MYH3: variants seen among roughly 807,000 people sequenced by gnomAD.
MYH3 encodes myosin heavy chain 3.
Under a neutral mutation model 238.0 loss-of-function variants are expected in MYH3, and 130 were observed. The ratio of observed to expected loss-of-function variants is 0.55; its 90% CI spans 0.47 to 0.63. The LOEUF (loss-of-function observed/expected upper bound fraction) is 0.63, where lower values mean the gene tolerates loss of function less well. Among genes scored for constraint, MYH3 ranks in the 30% least tolerant of loss-of-function variants. The pLI is 0.00. For missense variants in MYH3, 1,853 were observed against 2,374.9 expected, an observed-to-expected ratio of 0.78 and a Z score of 4.57; for synonymous variants, 880 against 924.1, an observed-to-expected ratio of 0.95 and a Z score of 0.86.
chr17:10,660,861 T>C (rs1275847091), upstream of MYH3, among the ~76,000 whole-genome samples: 1 of 151,868 alleles, frequency 6.6e-6, no homozygotes, highest in Non-Finnish European at 1.5e-5. Flanking sequence ...GGTGGGTGCC[T>C]GTAATCCCAG....
the MYH3 span, among the ~76,000 whole-genome samples, chr17:10,664,566 G>A: frequency 6.6e-6 from 1 of 152,202 alleles, no homozygotes; most frequent in Admixed American, 6.5e-5. Flanking sequence ...GAGTGAAAGG[G>A]AGAGCTGGTG....
In MYH3 at chr17:10,652,450, C is replaced by T; in HGVS notation, c.318G>A (p.Leu106=). ...TCATCCAAGATGTGTAACGGTCCTT[C>T]AGGTTGTACAGCACGGCTGGCTCAT... ...HLNEPAVLYN[L]KDRYTSWMIY... is the part of the protein sequence containing the mutation. Residue 106 remains leucine, a synonymous_variant, in exon 4 of 41, where the codon CTG becomes CTA. Coordinates refer to ENST00000583535, the MANE Select transcript of MYH3 (RefSeq NM_002470.4). 1 of 1,614,028 alleles carries T rather than the reference C, an allele frequency of 6.2e-7. No homozygotes were observed. The highest frequency in any genetic ancestry group is 1.7e-5 in the Admixed American group (1 of 60,012).
Position 10,629,677 on chromosome 17 carries a change from C to T in MYH3, c.5716G>A (p.Glu1906Lys), listed in dbSNP as rs1300427720. The change falls in exon 40 of 41, where the codon GAG (glutamate) becomes AAG (lysine). Residue 1906 changes from glutamate to lysine, a missense_variant. Glu to Lys is a moderately conservative substitution (Grantham distance 56). Coordinates refer to ENST00000583535, the MANE Select transcript of MYH3 (RefSeq NM_002470.4). ...KFRKAQHELE[E>K]AEERADIAES... Reference sequence around the variant, plus strand: ...GCGATATCCGCACGTTCCTCGGCCTCCTCCAGCTCATGCTGAGCCTTTCGG... The same window carrying T: ...GCGATATCCGCACGTTCCTCGGCCTTCTCCAGCTCATGCTGAGCCTTTCGG... The T allele has an allele frequency of 2.9e-5, 47 of 1,614,136 alleles. No individual in the cohort carries two copies. Among genetic ancestry groups the T allele is most frequent in the Non-Finnish European group, 3.7e-5 (44 of 1,180,064 alleles).
rs762762286 is a variant in MYH3 at position 10,645,720 on chromosome 17, C to T, written c.1128G>A (p.Pro376=). The part of the protein sequence containing the change: ...KQKQREEQAE[P]DGTEVADKTA... ...CTGATTTTGTACCTTCTGTGCCATC[C>T]GGCTCGGCCTGCTCCTCTCGCTGCT... Residue 376 remains proline, a synonymous_variant, in exon 12 of 41, where the codon CCG becomes CCA. Transcript: ENST00000583535. 35 of 1,612,896 alleles carry T rather than the reference C, an allele frequency of 2.2e-5. No homozygotes were observed. Among genetic ancestry groups the T allele is most frequent in the East Asian group, 6.7e-5 (3 of 44,758 alleles).
chr17:10,635,001 G>A lies in MYH3; in HGVS notation c.4195C>T (p.Gln1399Ter). ...GCCTCAACCTGTTCCTCGGAATCTT[G>A]AAGGCGCTGAGCAAGTTTTTTCCTT... The part of the protein sequence containing the change: ...EAKKKLAQRL[Q>*]DSEEQVEAVN... Residue 1399 changes from glutamine (Q) to a stop codon, truncating the protein, a stop_gained, in exon 31 of 41, where the codon CAA (glutamine) becomes TAA (stop). Coordinates refer to ENST00000583535, the MANE Select transcript of MYH3 (RefSeq NM_002470.4). LOFTEE classifies it high-confidence loss of function. 6.2e-7 allele frequency: 1 copy of A among 1,614,146 alleles called. No homozygotes were observed. Among genetic ancestry groups the A allele is most frequent in the Non-Finnish European group, 8.5e-7 (1 of 1,180,046 alleles).
intron 1 of MYH3, among the ~76,000 whole-genome samples, chr17:10,656,983 G>A (rs1305632331): frequency 1.3e-5 from 2 of 152,122 alleles, no homozygotes; most frequent in African/African-American, 2.4e-5. Context: ...CTGGGCTCAC[G>A]GGGCATCCAA....
Position 10,631,947 on chromosome 17 carries a change from C to G in MYH3, c.5026G>C (p.Glu1676Gln). Residue 1676 changes from glutamate to glutamine, a missense_variant, in exon 35 of 41, where the codon GAG becomes CAG. Physicochemically the swap from Glu to Gln is conservative, Grantham distance 29. This residue lies in a region of MYH3 where 1,044 missense variants were observed against 1,192.6 expected (regional missense o/e 0.88). Transcript: ENST00000583535. ...GCCTGCAGCAGGTTGGCTCTGCGCT[C>G]CACAATCGCCAGCTGCTCCTTCAGG... ...EDLKEQLAIV[E>Q]RRANLLQAEV... 1.2e-6 allele frequency: 2 copies of G among 1,614,084 alleles called. No individual in the cohort carries two copies. The highest frequency in any genetic ancestry group is 1.1e-5 in the South Asian group (1 of 91,082).
At chr17:10,630,586 A>C in intron 36 of MYH3, 128 bp from the exon 37 acceptor site, 8 of 1,404,114 alleles carry the variant, frequency 5.7e-6, no homozygotes, top group Non-Finnish European at 7.0e-6. Flanking sequence ...GCGGTGGCTC[A>C]CGTCTGTAAT....
chr17:10,642,329 G>A lies in MYH3; in HGVS notation c.1889-19C>T. 1.9e-6 allele frequency: 3 copies of A among 1,613,960 alleles called. No individual in the cohort carries two copies. The highest frequency in any genetic ancestry group is 1.1e-5 in the South Asian group (1 of 91,046). On this transcript the variant is annotated intron_variant, in intron 16 of 40. Coordinates refer to ENST00000583535, the MANE Select transcript of MYH3 (RefSeq NM_002470.4). This position sits in a 1 kb window ranked among gnomAD's most constrained non-coding sequence, Gnocchi z 5.4. ...CTGTCAGCTGAAAGCAATAAGGGAG[G>A]GCACGTGCTGTAGGTGAATCTAAAA...
intron 1 of MYH3, among the ~76,000 whole-genome samples, chr17:10,656,957 G>A (rs1214619521): frequency 6.6e-6 from 1 of 152,178 alleles, no homozygotes; most frequent in Non-Finnish European, 1.5e-5. Context: ...AATGGGAGAA[G>A]GTCAAGCCAT....
At position 10,639,041 on chromosome 17, in the gene MYH3, T is replaced by A; in HGVS notation, c.3248+3A>T. The A allele has an allele frequency of 6.2e-7, 1 of 1,614,248 alleles. No individual in the cohort carries two copies. On this transcript the variant is annotated splice_donor_region_variant and intron_variant, in intron 25 of 40. Transcript: ENST00000583535. ...AATGGAAGCCAGTGGTTGAAGGGCA[T>A]ACTTCTTGAGCCTTTCGTCCAGCTG... is the stretch of plus-strand genomic sequence containing the variant.
Position 10,644,508 on chromosome 17 carries a change from G to A in MYH3, c.1261-8C>T. On this transcript the variant is annotated splice_region_variant and splice_polypyrimidine_tract_variant and intron_variant, in intron 13 of 40. Coordinates refer to ENST00000583535, the MANE Select transcript of MYH3 (RefSeq NM_002470.4). The stretch of plus-strand genomic sequence containing the variant: ...ATTCACAGCATGGTGAACCTATCAG[G>A]GGAAAGATCAGCTACTGGATATGAA... 6.2e-7 allele frequency: 1 copy of A among 1,614,126 alleles called. No individual in the cohort carries two copies. The highest frequency in any genetic ancestry group is 1.1e-5 in the South Asian group (1 of 91,072).
rs145785711 is a variant in MYH3, at chr17:10,638,327, C to T, written c.3445G>A (p.Glu1149Lys). The change falls in exon 27 of 41, where the codon GAG becomes AAG. Residue 1149 changes from glutamate (E) to lysine (K), a missense_variant. This residue lies in a region of MYH3 where 1,044 missense variants were observed against 1,192.6 expected (regional missense o/e 0.88). Coordinates refer to ENST00000583535, the MANE Select transcript of MYH3 (RefSeq NM_002470.4). ...DYARELEELS[E>K]RLEEAGGVTS... is the part of the protein sequence containing the mutation. ...ACGCCTCCCGCCTCCTCCAGCCGCT[C>T]GCTCAGCTCCTCCAGCTCCCGGGCA... 17 of 1,612,034 alleles carry T rather than the reference C, an allele frequency of 1.1e-5. No homozygotes were observed. The highest frequency in any genetic ancestry group is 1.7e-5 in the Admixed American group (1 of 59,968).
chr17:10,667,537 C>T, the MYH3 span, among the ~76,000 whole-genome samples: 1 of 151,744 alleles, frequency 6.6e-6, no homozygotes, highest in African/African-American at 2.4e-5. Context: ...AAAAATTAGC[C>T]GGGTGTTGTG....
intron 28 of MYH3, among the ~76,000 whole-genome samples, chr17:10,636,845 C>T (rs1203364239): frequency 2.0e-5 from 3 of 146,488 alleles, no homozygotes; most frequent in South Asian, 4.5e-4. Context: ...ACCCGGGAGG[C>T]GGAGTTTGCA....
Position 10,651,767 on chromosome 17 carries a change from C to T in MYH3, c.349-99G>A, listed in dbSNP as rs533649876. 749 of 1,365,976 alleles carry T rather than the reference C, an allele frequency of 5.5e-4. 3 individuals carry two copies. In the African/African-American group the frequency reaches 8.1e-3, roughly 15 times the overall value. The allele number at this position is 1,365,976 out of a possible 1,614,324, so 84.6% of individuals were successfully genotyped here. On this transcript the variant is annotated intron_variant, in intron 4 of 40. Coordinates refer to ENST00000583535, the MANE Select transcript of MYH3 (RefSeq NM_002470.4). Reference sequence around the variant, plus strand: ...TTATTGTTTTTTTTTTTTTTTGAGACGGAGTCTCACTCTGTCACCAGGCTG... The same window carrying T: ...TTATTGTTTTTTTTTTTTTTTGAGATGGAGTCTCACTCTGTCACCAGGCTG...
At chr17:10,671,300 A>G in the MYH3 span, among the ~76,000 whole-genome samples, 1 of 152,138 alleles carries the variant, frequency 6.6e-6, no homozygotes, top group East Asian at 1.9e-4. Context: ...ATTCTTGTGC[A>G]TATCTATGAT....
chr17:10,651,752 T>G (rs1031915803), intron 4 of MYH3, 84 bp from the exon 5 acceptor site: 12 of 1,517,088 alleles, frequency 7.9e-6, no homozygotes, highest in Admixed American at 6.1e-5. Flanking sequence ...TTATTGTTTT[T>G]TTTTTTTTTT....
chr17:10,639,491 AGC>A lies in MYH3; in HGVS notation c.2926-19_2926-18del, dbSNP rs1410581366. 1 of 1,613,970 alleles carries A rather than the reference AGC, an allele frequency of 6.2e-7. No homozygotes were observed. Among genetic ancestry groups the A allele is most frequent in the Admixed American group, 1.7e-5 (1 of 59,998 alleles). On this transcript the variant is annotated intron_variant, in intron 23 of 40. Coordinates refer to ENST00000583535, the MANE Select transcript of MYH3 (RefSeq NM_002470.4). ...GTTTTTAACCTAAGAAGAATTCGCA[AGC>A]AATTATAAGCTTAAAGTTTAGTTTG...
Sources: gnomAD v4.1 joint callset for allele counts (sites outside exome capture counted in the v4.1 genomes callset) on GRCh38, gnomAD v4.1.1 for gene constraint, gnomAD v4.1.1 regional missense constraint, Gnocchi (gnomAD v3.1) non-coding constraint, MANE v1.5 for transcripts, NCBI Gene and HGNC (gene_info 2026-07-23, HGNC 2026-07-21) for gene names.